PIH1D2: variants seen among roughly 807,000 people sequenced by gnomAD.
PIH1D2 encodes the protein PIH1 domain containing 2.
PIH1D2 carries 25 observed loss-of-function variants against 31.2 expected under a neutral mutation model. The observed-to-expected ratio is 0.80, with a 90% CI of 0.58 to 1.12. The LOEUF (loss-of-function observed/expected upper bound fraction) is 1.12, where lower values mean the gene tolerates loss of function less well. Ranked by LOEUF, PIH1D2 falls within the 50% of genes most tolerant of loss-of-function variation. The probability of loss-of-function intolerance (pLI) is 0.00; values close to 1 mark genes in which losing one functional copy is unlikely to be tolerated. For synonymous variants in PIH1D2, 116 were observed against 119.9 expected, an observed-to-expected ratio of 0.97 and a Z score of 0.21; for missense variants, 310 against 356.6, an observed-to-expected ratio of 0.87 and a Z score of 1.05.
At chr11:112,059,879 ATATT>A (rs782000231), downstream of PIH1D2, 5 of 1,542,978 alleles carry the variant, frequency 3.2e-6, no homozygotes, top group South Asian at 1.2e-5. Context: ...GTTTTTTATT[ATATT>A]TATTTTTCTT....
intron 2 of PIH1D2, among the ~76,000 whole-genome samples, chr11:112,072,291 C>T (rs1325747395): frequency 6.6e-6 from 1 of 151,652 alleles, no homozygotes; most frequent in Admixed American, 6.6e-5. Context: ...ACGTATGTTA[C>T]CCTAGTACTT....
At chr11:112,055,848 C>CTTTT in the PIH1D2 span, among the ~76,000 whole-genome samples, 16 of 31,990 alleles carry the variant, frequency 5.0e-4, 8 homozygotes, top group East Asian at 2.6e-3. Flanking sequence ...CATATAGACA[C>CTTTT]TTTTTTTTTT....
At chr11:112,066,297 G>A (rs1191431220), downstream of PIH1D2, among the ~76,000 whole-genome samples, 1 of 152,126 alleles carries the variant, frequency 6.6e-6, no homozygotes, top group Non-Finnish European at 1.5e-5. Flanking sequence ...TTTCTTTAGG[G>A]GAAAAGCACT....
chr11:112,060,935 G>T, downstream of PIH1D2: 1 of 1,029,116 alleles, frequency 9.7e-7, no homozygotes, highest in Admixed American at 2.2e-5. Flanking sequence ...CCTTTCTTAA[G>T]ACCTTGCACC....
chr11:112,072,838 TG>T, intron 2 of PIH1D2, 159 bp downstream of exon 2: 3 of 800,274 alleles, frequency 3.7e-6, no homozygotes, highest in Non-Finnish European at 5.5e-6. Context: ...CACTCCAGCC[TG>T]GTGACAAAGT....
At chr11:112,064,162 A>G, downstream of PIH1D2, 1 of 1,562,660 alleles carries the variant, frequency 6.4e-7, no homozygotes, top group Middle Eastern at 1.7e-4. Flanking sequence ...AATCTGGTTC[A>G]AACATTCAAA....
chr11:112,062,479 C>T, downstream of PIH1D2: 3 of 1,612,724 alleles, frequency 1.9e-6, no homozygotes, highest in Non-Finnish European at 2.5e-6. Flanking sequence ...AGTTGGAGCC[C>T]AGTGGCTTGC....
chr11:112,057,288 T>C, the PIH1D2 span, among the ~76,000 whole-genome samples: 1 of 152,204 alleles, frequency 6.6e-6, no homozygotes, highest in Non-Finnish European at 1.5e-5. Flanking sequence ...TTAGTAACTC[T>C]ACAATGGCCT....
downstream of PIH1D2, chr11:112,061,572 G>GTT (rs587621837): frequency 4.1e-5 from 8 of 195,172 alleles, no homozygotes; most frequent in African/African-American, 1.9e-4. Flanking sequence ...GAGTATCAGT[G>GTT]TTTTTTTTGT....
downstream of PIH1D2, among the ~76,000 whole-genome samples, chr11:112,066,506 C>CG (rs1410647004): frequency 4.6e-5 from 7 of 151,694 alleles, no homozygotes; most frequent in African/African-American, 1.2e-4. Context: ...GGGGCGGTTG[C>CG]GGGCGCCTGT....
intron 2 of PIH1D2, 85 bp from the exon 3 acceptor site, chr11:112,071,843 A>C (rs1379355479): frequency 3.3e-6 from 5 of 1,493,300 alleles, no homozygotes; most frequent in Non-Finnish European, 4.6e-6. Context: ...CTGTAATCCG[A>C]GCACTTTGGG....
intron 4 of PIH1D2, 116 bp from the exon 5 acceptor site, chr11:112,070,817 G>T: frequency 7.7e-7 from 1 of 1,296,334 alleles, no homozygotes; most frequent in Non-Finnish European, 1.0e-6. Flanking sequence ...AGTTAAATTA[G>T]TTTGGGAATC....
chr11:112,064,129 G>C, downstream of PIH1D2: 1 of 1,459,212 alleles, frequency 6.9e-7, no homozygotes, highest in Non-Finnish European at 9.2e-7. Flanking sequence ...CTTATCACAA[G>C]GGACCATCAT....
At chr11:112,060,679 T>C (rs1864542664), downstream of PIH1D2, among the ~76,000 whole-genome samples, 2 of 152,036 alleles carry the variant, frequency 1.3e-5, no homozygotes, top group Non-Finnish European at 2.9e-5. Flanking sequence ...TTGGCCAGGC[T>C]GGTTTCAAAC....
At chr11:112,072,827 G>A (rs1193289519) in intron 2 of PIH1D2, 171 bp downstream of exon 2, 6 of 685,270 alleles carry the variant, frequency 8.8e-6, no homozygotes, top group Non-Finnish European at 1.4e-5. Context: ...CCACACCATT[G>A]CACTCCAGCC....
At chr11:112,058,212 A>G in the PIH1D2 span, among the ~76,000 whole-genome samples, 6 of 152,244 alleles carry the variant, frequency 3.9e-5, no homozygotes, top group Non-Finnish European at 7.3e-5. Context: ...TATAGGGAAT[A>G]CTGTCCTTAC....
chr11:112,068,050 G>A (rs372993597), intron 5 of PIH1D2, 45 bp from the exon 6 acceptor site: 3 of 1,327,830 alleles, frequency 2.3e-6, no homozygotes, highest in East Asian at 2.4e-5. Flanking sequence ...TTAAAATTTG[G>A]GATACTAACT....
intron 4 of PIH1D2, 143 bp downstream of exon 4, chr11:112,070,892 TATG>T: frequency 1.7e-6 from 2 of 1,206,226 alleles, no homozygotes; most frequent in Non-Finnish European, 2.2e-6. Flanking sequence ...AAATCAAGGA[TATG>T]ATATTTCTAA....
At chr11:112,070,879 T>A in intron 4 of PIH1D2, 159 bp downstream of exon 4, 1 of 1,219,954 alleles carries the variant, frequency 8.2e-7, no homozygotes, top group Non-Finnish European at 1.1e-6. Flanking sequence ...TTTCAGGATT[T>A]AAAAATCAAG....
Sources: gnomAD v4.1 joint callset for allele counts (sites outside exome capture counted in the v4.1 genomes callset) on GRCh38, gnomAD v4.1.1 for gene constraint, MANE v1.5 for transcripts, NCBI Gene and HGNC (gene_info 2026-07-23, HGNC 2026-07-21) for gene names.